Variants in EFR3A observed in about 807,000 individuals in gnomAD.
EFR3A encodes the protein EFR3 homolog A.
A neutral mutation model predicts 104.4 loss-of-function variants in EFR3A; 76 were observed. The observed-to-expected ratio is 0.73, with a 90% CI of 0.60 to 0.88. EFR3A has a LOEUF of 0.88. Among genes scored for constraint, EFR3A ranks in the 40% least tolerant of loss-of-function variants. The pLI is 0.00. For synonymous variants in EFR3A, 330 were observed against 330.0 expected, an observed-to-expected ratio of 1.00 and a Z score of 0.00; for missense variants, 985 against 1,012.5, an observed-to-expected ratio of 0.97 and a Z score of 0.37.
rs536115113 is a variant in EFR3A at position 131,958,564 on chromosome 8, G to T, written c.777-1021G>T. On this transcript the variant is annotated intron_variant, in intron 7 of 22. Coordinates refer to ENST00000254624, the MANE Select transcript of EFR3A (RefSeq NM_015137.6). ...ACACGTAGTAGACCTTAATAACTAC[G>T]ATGATTCAAGAGGGATTTCAGGTCT... is the stretch of plus-strand genomic sequence containing the variant. Among the ~76,000 whole-genome samples, 19 of 147,592 alleles carry T rather than the reference G, an allele frequency of 1.3e-4. No homozygotes were observed. The South Asian group carries it at 3.7e-3, about 29-fold the overall frequency.
chr8:131,962,988 G>A (rs1183915453), intron 8 of EFR3A, among the ~76,000 whole-genome samples: 1 of 150,442 alleles, frequency 6.6e-6, no homozygotes, highest in Non-Finnish European at 1.5e-5. Context: ...ATAACGAAAT[G>A]AAGGCAGAAA....
intron 8 of EFR3A, among the ~76,000 whole-genome samples, chr8:131,962,233 C>T (rs1819394363): frequency 6.6e-6 from 1 of 152,144 alleles, no homozygotes; most frequent in African/African-American, 2.4e-5. Context: ...TGTAAATGGG[C>T]TAAATGCTGC....
chr8:131,959,753 T>A, intron 8 of EFR3A, 90 bp downstream of exon 8: 1 of 815,756 alleles, frequency 1.2e-6, no homozygotes, highest in Non-Finnish European at 1.9e-6. Flanking sequence ...TGGGAAGCTG[T>A]AGGATATAAA....
At chr8:131,990,764 T>C (rs1218601638) in intron 18 of EFR3A, among the ~76,000 whole-genome samples, 1 of 152,160 alleles carries the variant, frequency 6.6e-6, no homozygotes, top group Non-Finnish European at 1.5e-5. Flanking sequence ...TCAGTGAGGA[T>C]ACAGAGTAGG....
intron 9 of EFR3A, 35 bp downstream of exon 9, chr8:131,968,465 G>A (rs2130694448): frequency 6.8e-6 from 11 of 1,606,404 alleles, no homozygotes; most frequent in Non-Finnish European, 6.8e-6. Context: ...ATAGTGCGTT[G>A]ATCTGGTTCA....
chr8:131,999,810 A>C (rs1821699415), intron 19 of EFR3A, among the ~76,000 whole-genome samples: 1 of 152,188 alleles, frequency 6.6e-6, no homozygotes, highest in Non-Finnish European at 1.5e-5. Flanking sequence ...CACAGGAAGT[A>C]GGTAAACACC....
chr8:131,961,839 C>T (rs1819356841), intron 8 of EFR3A, among the ~76,000 whole-genome samples: 1 of 152,276 alleles, frequency 6.6e-6, no homozygotes, highest in Admixed American at 6.5e-5. Context: ...AAGGGAAGCC[C>T]ATCAGAGTAA....
intron 1 of EFR3A, among the ~76,000 whole-genome samples, chr8:131,922,010 C>A (rs1817057438): frequency 6.6e-6 from 1 of 152,116 alleles, no homozygotes; most frequent in Non-Finnish European, 1.5e-5. Context: ...TCCAGAAATT[C>A]AAAACCAAGG....
chr8:131,908,374 A>G (rs1481498131), intron 1 of EFR3A, among the ~76,000 whole-genome samples: 17 of 152,074 alleles, frequency 1.1e-4, no homozygotes, highest in African/African-American at 3.6e-4. Flanking sequence ...GAGGGGTTTT[A>G]TATGCTCTCG....
At chr8:131,913,819 C>T (rs1226658674) in intron 1 of EFR3A, among the ~76,000 whole-genome samples, 1 of 152,132 alleles carries the variant, frequency 6.6e-6, no homozygotes, top group Non-Finnish European at 1.5e-5. Context: ...TGTAAGGTGT[C>T]CAAGGTTGGC....
intron 22 of EFR3A, among the ~76,000 whole-genome samples, chr8:132,004,753 T>G (rs1357486309): frequency 1.3e-5 from 2 of 152,228 alleles, no homozygotes; most frequent in African/African-American, 4.8e-5. Context: ...AGGTAGACAC[T>G]ATTTTTTTGA....
intron 11 of EFR3A, among the ~76,000 whole-genome samples, chr8:131,976,416 A>G (rs946699191): frequency 6.6e-6 from 1 of 152,140 alleles, no homozygotes; most frequent in African/African-American, 2.4e-5. Context: ...CATTTAGGGT[A>G]AAGCTTCAAG....
In EFR3A at chr8:132,011,547, G is replaced by C. The variant is rs1338267029; in HGVS notation, c.*652G>C. ...AATTGTCTGGTTCTTGTAATATTGT[G>C]TTTCCTGCCAAGAGTTTGACCATTC... On this transcript the variant is annotated 3_prime_UTR_variant, in exon 23 of 23. Coordinates refer to ENST00000254624, the MANE Select transcript of EFR3A (RefSeq NM_015137.6). 3 of 571,678 alleles carry C rather than the reference G, an allele frequency of 5.2e-6. No homozygotes were observed. Among genetic ancestry groups the C allele is most frequent in the Non-Finnish European group, 6.6e-6 (3 of 451,776 alleles). 35.4% of individuals were successfully genotyped at this position (571,678 alleles called of 1,614,324 possible).
rs564616596 is a variant in EFR3A, at chr8:132,003,382, T to A, written c.2360+97T>A. On this transcript the variant is annotated intron_variant, in intron 22 of 22. Transcript: ENST00000254624. ...GTGGTTCATTATGTTTAAGTTATCA[T>A]GTTAAAGTAATGCTTTTCATTTAGG... is the stretch of plus-strand genomic sequence containing the variant. 96 of 1,093,246 alleles carry A rather than the reference T, an allele frequency of 8.8e-5. No individual in the cohort carries two copies. The African/African-American group carries it at 1.3e-3, about 15-fold the overall frequency. The allele number at this position is 1,093,246 out of a possible 1,614,324, so 67.7% of individuals were successfully genotyped here.
intron 8 of EFR3A, among the ~76,000 whole-genome samples, chr8:131,966,201 A>T (rs542278521): frequency 3.3e-5 from 5 of 152,308 alleles, no homozygotes; most frequent in African/African-American, 1.2e-4. Flanking sequence ...CCTAAAACTT[A>T]AAGTTTAATA....
At chr8:131,915,133 T>C (rs1816688697) in intron 1 of EFR3A, among the ~76,000 whole-genome samples, 1 of 152,228 alleles carries the variant, frequency 6.6e-6, no homozygotes, top group Non-Finnish European at 1.5e-5. Context: ...CTTTTATTTG[T>C]GACATTCTGC....
At position 131,986,360 on chromosome 8, in the gene EFR3A, G is replaced by A. The variant is rs1820881580; in HGVS notation, c.1937+99G>A. On this transcript the variant is annotated intron_variant, in intron 17 of 22. Coordinates refer to ENST00000254624, the MANE Select transcript of EFR3A (RefSeq NM_015137.6). ...AAATATTGTTACAATAATTCCTGGT[G>A]CTTTATACTAATCATCATTTTGTGT... The A allele has an allele frequency of 1.8e-5, 10 of 543,836 alleles. No individual in the cohort carries two copies. The South Asian group carries it at 2.8e-4, about 15-fold the overall frequency. 33.7% of individuals were successfully genotyped at this position (543,836 alleles called of 1,614,324 possible). A position where few individuals can be genotyped will look rare whatever the true frequency, so the allele number is the denominator to read the frequency against.
intron 3 of EFR3A, among the ~76,000 whole-genome samples, chr8:131,946,228 G>T (rs1341555093): frequency 6.6e-6 from 1 of 151,974 alleles, no homozygotes; most frequent in Non-Finnish European, 1.5e-5. Context: ...CAAAGTTAAT[G>T]TTAAGCTCAC....
At chr8:131,996,724 G>T in intron 19 of EFR3A, among the ~76,000 whole-genome samples, 1 of 152,004 alleles carries the variant, frequency 6.6e-6, no homozygotes, top group East Asian at 1.9e-4. Context: ...AACATTATAT[G>T]TTATGATGTC....
Sources: gnomAD v4.1 joint callset for allele counts (sites outside exome capture counted in the v4.1 genomes callset) on GRCh38, gnomAD v4.1.1 for gene constraint, MANE v1.5 for transcripts, NCBI Gene and HGNC (gene_info 2026-07-23, HGNC 2026-07-21) for gene names.